TBK1: variants seen among roughly 807,000 people sequenced by gnomAD.
TBK1 encodes serine/threonine-protein kinase TBK1.
A neutral mutation model predicts 99.9 loss-of-function variants in TBK1; 37 were observed. The ratio of observed to expected loss-of-function variants is 0.37; its 90% CI spans 0.28 to 0.49. TBK1 has a LOEUF of 0.49. TBK1 is among the 20% of genes least tolerant of loss of function. The probability of loss-of-function intolerance (pLI) is 0.98; values close to 1 mark genes in which losing one functional copy is unlikely to be tolerated. For missense variants in TBK1, 644 were observed against 872.5 expected, an observed-to-expected ratio of 0.74 and a Z score of 3.30; for synonymous variants, 258 against 279.8, an observed-to-expected ratio of 0.92 and a Z score of 0.78.
At chr12:64,476,150 C>CTTTTTTT (rs59104364) in intron 6 of TBK1, among the ~76,000 whole-genome samples, 9 of 51,862 alleles carry the variant, frequency 1.7e-4, no homozygotes, top group African/African-American at 4.5e-4. Flanking sequence ...GCGTAGTCTT[C>CTTTTTTT]TTTTTTTTTT....
chr12:64,453,766 A>G (rs1181666310), intron 1 of TBK1, among the ~76,000 whole-genome samples: 2 of 152,226 alleles, frequency 1.3e-5, no homozygotes, highest in Non-Finnish European at 2.9e-5. Context: ...TTATGTTAGC[A>G]TACATCAATT....
Position 64,484,407 on chromosome 12 carries a change from T to A in TBK1, c.1097T>A (p.Leu366Gln). 6.2e-7 allele frequency: 1 copy of A among 1,614,168 alleles called. No individual in the cohort carries two copies. The highest frequency in any genetic ancestry group is 1.1e-5 in the South Asian group (1 of 91,076). The stretch of plus-strand genomic sequence containing the variant: ...CGCTTAGTCTTAGAACCTGGAAGGC[T>A]GGCACAACATTTCCCTAAAACTACT... ...GRRLVLEPGR[L>Q]AQHFPKTTEE... is the part of the protein sequence containing the mutation. The change falls in exon 9 of 21, where the codon CTG (leucine) becomes CAG (glutamine). Residue 366 changes from leucine (L) to glutamine (Q), a missense_variant. This residue lies in a region of TBK1 where 465 missense variants were observed against 588.0 expected (regional missense o/e 0.79). Coordinates refer to ENST00000331710, the MANE Select transcript of TBK1 (RefSeq NM_013254.4).
chr12:64,452,452 TC>T (rs1316053601), intron 1 of TBK1: 1 of 152,190 alleles, frequency 6.6e-6, no homozygotes, highest in Non-Finnish European at 1.5e-5. Flanking sequence ...GTTACCTGCA[TC>T]CCCGCTCCGC....
At position 64,490,037 on chromosome 12, in the gene TBK1, A is replaced by G; in HGVS notation, c.1443-4A>G. On this transcript the variant is annotated splice_polypyrimidine_tract_variant and splice_region_variant and intron_variant, in intron 12 of 20. Coordinates refer to ENST00000331710, the MANE Select transcript of TBK1 (RefSeq NM_013254.4). ...TTAATTTTCTCTTTTGACTTTTCAT[A>G]CAGATATGAAAAGTTGATGAAGATC... 6.3e-7 allele frequency: 1 copy of G among 1,598,210 alleles called. No individual in the cohort carries two copies. The highest frequency in any genetic ancestry group is 8.5e-7 in the Non-Finnish European group (1 of 1,171,548).
intron 9 of TBK1, among the ~76,000 whole-genome samples, chr12:64,485,030 T>A (rs908049218): frequency 1.3e-5 from 2 of 152,188 alleles, no homozygotes; most frequent in Non-Finnish European, 2.9e-5. Flanking sequence ...TATCATAAAT[T>A]TCAGCAAATA....
At chr12:64,464,958 A>C (rs901348871) in intron 4 of TBK1, among the ~76,000 whole-genome samples, 36 of 152,030 alleles carry the variant, frequency 2.4e-4, no homozygotes, top group African/African-American at 8.5e-4. Context: ...AAAAAGACAA[A>C]CAGGGCCAAC....
chr12:64,465,316 G>A (rs546897444), intron 4 of TBK1, among the ~76,000 whole-genome samples: 8 of 150,728 alleles, frequency 5.3e-5, no homozygotes, highest in Middle Eastern at 7.0e-3. Context: ...TTGCTGGTAG[G>A]ATTATAAAAT....
chr12:64,479,132 CATT>C (rs1357731647), intron 6 of TBK1, among the ~76,000 whole-genome samples: 10 of 152,324 alleles, frequency 6.6e-5, no homozygotes, highest in Admixed American at 3.3e-4. Context: ...ATTCATCCAA[CATT>C]ATAGTAGTGC....
chr12:64,467,966 T>C (rs1201979810), intron 5 of TBK1, among the ~76,000 whole-genome samples: 3 of 151,374 alleles, frequency 2.0e-5, no homozygotes, highest in African/African-American at 4.9e-5. Flanking sequence ...AGGCTGAGGA[T>C]TGCTTGAGCC....
In TBK1 at chr12:64,467,502, CT is replaced by C. The variant is rs1257094490; in HGVS notation, c.540+421del. Among the ~76,000 whole-genome samples, 3 of 152,120 alleles carry C rather than the reference CT, an allele frequency of 2.0e-5. No individual in the cohort carries two copies. In the East Asian group the frequency reaches 5.8e-4, roughly 29 times the overall value. On this transcript the variant is annotated intron_variant, in intron 5 of 20. Transcript: ENST00000331710. ...AGAAACACACACACACAAAATGCCC[CT>C]GAGAAGATCTAACTTGAAATTTTAG...
intron 8 of TBK1, among the ~76,000 whole-genome samples, chr12:64,483,186 GACTGGATGGAT>G (rs1184821566): frequency 9.2e-5 from 14 of 151,784 alleles, no homozygotes; most frequent in Admixed American, 7.9e-4. Context: ...ATAAATGCTT[GACTGGATGGAT>G]ACCCCATTCT....
At chr12:64,462,179 A>G (rs2040554878) in intron 3 of TBK1, among the ~76,000 whole-genome samples, 1 of 152,214 alleles carries the variant, frequency 6.6e-6, no homozygotes, top group Admixed American at 6.5e-5. Context: ...CCCCAGAGGA[A>G]CAAAGACAGA....
At position 64,476,568 on chromosome 12, in the gene TBK1, AG is replaced by A. The variant is rs568605572; in HGVS notation, c.701+2179del. ...AAGTTCCTTATAGATTCTGGATGTTAGTCCTTTGTCAAATGCATAGTTTACA... is the reference window on the plus strand; with the variant it reads ...AAGTTCCTTATAGATTCTGGATGTTATCCTTTGTCAAATGCATAGTTTACA... On this transcript the variant is annotated intron_variant, in intron 6 of 20. Transcript: ENST00000331710. Among the ~76,000 whole-genome samples, 31 of 152,202 alleles carry A rather than the reference AG, an allele frequency of 2.0e-4. 1 individual carries two copies. The South Asian group carries it at 6.4e-3, about 32-fold the overall frequency.
At chr12:64,460,381 T>TAG in intron 3 of TBK1, 52 bp downstream of exon 3, 1 of 1,356,522 alleles carries the variant, frequency 7.4e-7, no homozygotes, top group Non-Finnish European at 9.8e-7. Flanking sequence ...AGTCAAGAAA[T>TAG]AGAACCTAAT....
At chr12:64,483,164 G>A (rs943138619) in intron 8 of TBK1, among the ~76,000 whole-genome samples, 5 of 152,142 alleles carry the variant, frequency 3.3e-5, no homozygotes, top group Non-Finnish European at 5.9e-5. Flanking sequence ...TTGATTTTCT[G>A]TAACACAAAA....
chr12:64,454,646 C>T lies in TBK1; in HGVS notation c.-31-1194C>T, dbSNP rs142600885. On this transcript the variant is annotated intron_variant, in intron 1 of 20. Transcript: ENST00000331710. ...TTTCAAAGCTCATACAGCATTTTAGCCTTGAATATTGCTAGAAACTCAGAT... is the reference window on the plus strand; with the variant it reads ...TTTCAAAGCTCATACAGCATTTTAGTCTTGAATATTGCTAGAAACTCAGAT... Among the ~76,000 whole-genome samples, 524 of 147,162 alleles carry T rather than the reference C, an allele frequency of 3.6e-3. 4 individuals carry two copies. The highest frequency in any genetic ancestry group is 0.012 in the African/African-American group (497 of 40,064).
chr12:64,458,638 A>G (rs1011506981), intron 2 of TBK1, among the ~76,000 whole-genome samples: 8 of 152,180 alleles, frequency 5.3e-5, no homozygotes, highest in Non-Finnish European at 8.8e-5. Flanking sequence ...ATAATCTCAC[A>G]GGCATGATGT....
chr12:64,456,951 GA>G (rs142096929), intron 2 of TBK1, among the ~76,000 whole-genome samples: 3 of 152,000 alleles, frequency 2.0e-5, no homozygotes, highest in Non-Finnish European at 2.9e-5. Context: ...TCTATTCTGG[GA>G]AAAAGCTGGA....
chr12:64,485,318 G>A (rs1592369466), intron 9 of TBK1, 137 bp from the exon 10 acceptor site: 1 of 466,886 alleles, frequency 2.1e-6, no homozygotes, highest in Non-Finnish European at 3.8e-6. Flanking sequence ...GTTTGAAGTG[G>A]TGTTTTTTTA....
Sources: gnomAD v4.1 joint callset for allele counts (sites outside exome capture counted in the v4.1 genomes callset) on GRCh38, gnomAD v4.1.1 for gene constraint, gnomAD v4.1.1 regional missense constraint, MANE v1.5 for transcripts, NCBI Gene and HGNC (gene_info 2026-07-23, HGNC 2026-07-21) for gene names.